Variants in HKDC1 observed in about 807,000 individuals in gnomAD.
HKDC1 encodes the protein hexokinase domain containing 1.
HKDC1 carries 66 observed loss-of-function variants against 96.6 expected under a neutral mutation model. That is an observed-to-expected ratio of 0.68 (90% CI 0.56 to 0.84). HKDC1 has a LOEUF of 0.84. Among genes scored for constraint, HKDC1 ranks in the 40% least tolerant of loss-of-function variants. The pLI is 0.00. For synonymous variants in HKDC1, 466 were observed against 473.1 expected, an observed-to-expected ratio of 0.98 and a Z score of 0.20; for missense variants, 1,211 against 1,208.1, an observed-to-expected ratio of 1.00 and a Z score of -0.04.
chr10:69,229,763 G>A (rs1564725415), intron 2 of HKDC1, among the ~76,000 whole-genome samples: 1 of 152,106 alleles, frequency 6.6e-6, no homozygotes, highest in Non-Finnish European at 1.5e-5. Flanking sequence ...TCTCCGCAGA[G>A]CCTCTCACCA....
At chr10:69,243,068 G>T (rs964147614) in intron 6 of HKDC1, 114 bp from the exon 7 acceptor site, 8 of 1,048,074 alleles carry the variant, frequency 7.6e-6, no homozygotes, top group Non-Finnish European at 1.1e-5. Flanking sequence ...AGCCCCCAGG[G>T]AATGAAAAGC....
At chr10:69,233,892 C>T (rs1227757635) in intron 4 of HKDC1, among the ~76,000 whole-genome samples, 6 of 1,624 alleles carry the variant, frequency 3.7e-3, no homozygotes, top group African/African-American at 7.4e-3. Context: ...AGCAAGACTC[C>T]GTCTCAAAAA....
rs144230659 is a variant in HKDC1, at chr10:69,248,978, T to C, written c.1570+250T>C. On this transcript the variant is annotated intron_variant, in intron 10 of 17. Transcript: ENST00000354624. ...ACATTAGGTTATGTGTGTGCACTTATGTGTGTGTAGATGAGAACATGAGTG... is the reference window on the plus strand; with the variant it reads ...ACATTAGGTTATGTGTGTGCACTTACGTGTGTGTAGATGAGAACATGAGTG... 6.2e-4 allele frequency: 286 copies of C among 464,852 alleles called. 1 individual carries two copies. Among genetic ancestry groups the C allele is most frequent in the African/African-American group, 4.6e-3 (233 of 51,200 alleles). 28.8% of individuals were successfully genotyped at this position (464,852 alleles called of 1,614,324 possible).
chr10:69,230,500 A>G (rs1843238045), intron 2 of HKDC1, among the ~76,000 whole-genome samples: 1 of 152,236 alleles, frequency 6.6e-6, no homozygotes, highest in African/African-American at 2.4e-5. Context: ...TGAAGGCACC[A>G]GCACCAGCAG....
chr10:69,263,159 G>A (rs2132380894), intron 16 of HKDC1, among the ~76,000 whole-genome samples: 1 of 152,120 alleles, frequency 6.6e-6, no homozygotes, highest in South Asian at 2.1e-4. Flanking sequence ...CAACCTCCCG[G>A]GTTCAAGTGA....
chr10:69,233,770 C>T (rs1439986614), intron 4 of HKDC1, among the ~76,000 whole-genome samples: 4 of 151,862 alleles, frequency 2.6e-5, no homozygotes, highest in African/African-American at 9.7e-5. Context: ...TGGTGCCGGG[C>T]GCCTGTAGTC....
Position 69,220,707 on chromosome 10 carries a change from A to G in HKDC1, c.63+209A>G, listed in dbSNP as rs147153368. Among the ~76,000 whole-genome samples, 10 of 152,328 alleles carry G rather than the reference A, an allele frequency of 6.6e-5. No homozygotes were observed. The East Asian group carries it at 1.3e-3, about 21-fold the overall frequency. On this transcript the variant is annotated intron_variant, in intron 1 of 17. Coordinates refer to ENST00000354624, the MANE Select transcript of HKDC1 (RefSeq NM_025130.4). The stretch of plus-strand genomic sequence containing the variant: ...ATTACTGTCCTGAACCTTACACTTC[A>G]CTCGGAACTTCCTGGCAGGTATTGG...
At position 69,265,567 on chromosome 10, in the gene HKDC1, C is replaced by G; in HGVS notation, c.2373-18C>G. The G allele has an allele frequency of 1.2e-6, 2 of 1,611,836 alleles. No individual in the cohort carries two copies. The highest frequency in any genetic ancestry group is 1.7e-6 in the Non-Finnish European group (2 of 1,178,670). On this transcript the variant is annotated intron_variant, in intron 16 of 17. Transcript: ENST00000354624. Reference sequence around the variant, plus strand: ...GTCCTGGGAAGCAGGTCCTGACTCCCTGCTCTATTGCCTGCAGCGATCGGC... The same window carrying G: ...GTCCTGGGAAGCAGGTCCTGACTCCGTGCTCTATTGCCTGCAGCGATCGGC...
chr10:69,257,219 T>A (rs1843732274), intron 13 of HKDC1, 88 bp downstream of exon 13: 3 of 1,450,008 alleles, frequency 2.1e-6, no homozygotes, highest in Non-Finnish European at 2.9e-6. Flanking sequence ...TTCCTATGAC[T>A]CTGGCCTCTG....
chr10:69,257,224 C>A, intron 13 of HKDC1, 93 bp downstream of exon 13: 1 of 1,436,450 alleles, frequency 7.0e-7, no homozygotes, highest in Non-Finnish European at 9.8e-7. Context: ...ATGACTCTGG[C>A]CTCTGTCTGC....
intron 12 of HKDC1, among the ~76,000 whole-genome samples, chr10:69,251,753 G>A (rs533997395): frequency 2.0e-5 from 3 of 146,486 alleles, no homozygotes; most frequent in African/African-American, 7.5e-5. Context: ...AAATGGAATT[G>A]TTTTCTTTTC....
At chr10:69,258,259 A>T (rs1026337751) in intron 14 of HKDC1, among the ~76,000 whole-genome samples, 1 of 152,096 alleles carries the variant, frequency 6.6e-6, no homozygotes, top group African/African-American at 2.4e-5. Flanking sequence ...CAAAGAGGTG[A>T]GGCCTGTTGA....
intron 16 of HKDC1, chr10:69,261,948 C>T: frequency 4.3e-6 from 1 of 232,406 alleles, no homozygotes. Context: ...CTTGTATTTC[C>T]CAAAAACTCA....
At chr10:69,243,503 T>C in intron 7 of HKDC1, 138 bp downstream of exon 7, 1 of 750,524 alleles carries the variant, frequency 1.3e-6, no homozygotes. Flanking sequence ...TTTTTCCTTT[T>C]TTTTTTTTTT....
chr10:69,244,022 G>T (rs1249660000), intron 7 of HKDC1, among the ~76,000 whole-genome samples: 1 of 151,992 alleles, frequency 6.6e-6, no homozygotes, highest in Non-Finnish European at 1.5e-5. Context: ...GAGAAGGCAG[G>T]CACAGCCGAA....
intron 2 of HKDC1, chr10:69,232,385 C>T (rs5030945): frequency 0.45 from 96,544 of 212,678 alleles, 22,844 homozygotes; most frequent in East Asian, 0.77. Flanking sequence ...ATCCGAGTTT[C>T]CCCAGGCTGG....
chr10:69,244,709 C>T (rs990938326), intron 7 of HKDC1, among the ~76,000 whole-genome samples: 1 of 151,932 alleles, frequency 6.6e-6, no homozygotes, highest in Non-Finnish European at 1.5e-5. Context: ...GCCTGTAGTT[C>T]CAACCACTCA....
Position 69,267,296 on chromosome 10 carries a change from G to A in HKDC1, c.*539G>A, listed in dbSNP as rs913414238. ...CTATTAAGAGAACAAAGACTTTGAA[G>A]TATCCAGCCCCAGGGTGCAGAGAGG... is the stretch of plus-strand genomic sequence containing the variant. On this transcript the variant is annotated 3_prime_UTR_variant, in exon 18 of 18. Coordinates refer to ENST00000354624, the MANE Select transcript of HKDC1 (RefSeq NM_025130.4). The A allele has an allele frequency of 5.8e-6, 2 of 342,094 alleles. No homozygotes were observed. Among genetic ancestry groups the A allele is most frequent in the South Asian group, 4.8e-5 (2 of 41,760 alleles). 21.2% of individuals were successfully genotyped at this position (342,094 alleles called of 1,614,324 possible).
chr10:69,257,900 G>T (rs558676434), intron 14 of HKDC1, among the ~76,000 whole-genome samples: 1 of 152,282 alleles, frequency 6.6e-6, no homozygotes, highest in South Asian at 2.1e-4. Flanking sequence ...GAGAAGTCTG[G>T]CAGTGATTAA....
Sources: gnomAD v4.1 joint callset for allele counts (sites outside exome capture counted in the v4.1 genomes callset) on GRCh38, gnomAD v4.1.1 for gene constraint, MANE v1.5 for transcripts, NCBI Gene and HGNC (gene_info 2026-07-23, HGNC 2026-07-21) for gene names.